The following RBMS1 variants were observed in gnomAD, a reference collection of about 807,000 sequenced individuals.
RBMS1 encodes the protein RNA binding motif single stranded interacting protein 1.
Under a neutral mutation model 62.3 loss-of-function variants are expected in RBMS1, and 17 were observed. That is an observed-to-expected ratio of 0.27 (90% confidence interval 0.19 to 0.41). The LOEUF is 0.41. RBMS1 is among the 10% of genes least tolerant of loss of function. The pLI, the probability that RBMS1 is intolerant of heterozygous loss-of-function variation, is 1.00. For synonymous variants in RBMS1, 172 were observed against 170.0 expected, an observed-to-expected ratio of 1.01 and a Z score of -0.09; for missense variants, 334 against 504.5, an observed-to-expected ratio of 0.66 and a Z score of 3.24.
intron 6 of RBMS1, among the ~76,000 whole-genome samples, chr2:160,297,272 C>G (rs1360742871): frequency 6.6e-6 from 1 of 152,156 alleles, no homozygotes; most frequent in Non-Finnish European, 1.5e-5. Context: ...TTACCTCCCC[C>G]TCAAAGCAAG....
chr2:160,365,943 G>C (rs1264706317), intron 2 of RBMS1, among the ~76,000 whole-genome samples: 5 of 152,226 alleles, frequency 3.3e-5, no homozygotes, highest in African/African-American at 9.6e-5. Context: ...AACCCCAAGA[G>C]CTGGGCTTGC....
At position 160,426,218 on chromosome 2, in the gene RBMS1, GAAGAAAGAAAGAAAGAAAGA is replaced by G. The variant is rs57929883; in HGVS notation, c.76-58847_76-58828del. ...AGAAAGGAAGAAAGAGAGAGAGACA[GAAGAAAGAAAGAAAGAAAGA>G]AAGAAAGAAAGAAAGAAAGAAAGAA... On this transcript the variant is annotated intron_variant, in intron 1 of 13. Coordinates refer to ENST00000348849, the MANE Select transcript of RBMS1 (RefSeq NM_016836.4). 5.0e-3 allele frequency among the ~76,000 whole-genome samples: 243 copies of G among 48,660 alleles called. 2 individuals are homozygous for G. Among genetic ancestry groups the G allele is most frequent in the Middle Eastern group, 8.3e-3 (1 of 120 alleles). 31.9% of individuals were successfully genotyped at this position (48,660 alleles called of 152,430 possible). A position where few individuals can be genotyped will look rare whatever the true frequency, so the allele number is the denominator to read the frequency against.
chr2:160,378,467 T>C (rs1255255347), intron 1 of RBMS1, among the ~76,000 whole-genome samples: 3 of 151,894 alleles, frequency 2.0e-5, no homozygotes, highest in Admixed American at 2.0e-4. Flanking sequence ...AAAAAAAAAT[T>C]AGCTGGGTGT....
chr2:160,332,949 C>A (rs1391054749), intron 2 of RBMS1, among the ~76,000 whole-genome samples: 2 of 151,334 alleles, frequency 1.3e-5, no homozygotes, highest in Admixed American at 6.6e-5. Flanking sequence ...TACAGACATA[C>A]ACATACACTC....
At chr2:160,414,057 A>C (rs1696125155) in intron 1 of RBMS1, among the ~76,000 whole-genome samples, 4 of 152,212 alleles carry the variant, frequency 2.6e-5, no homozygotes, top group African/African-American at 9.6e-5. Flanking sequence ...TCCTGGCTTC[A>C]CCATTTACCA....
chr2:160,358,785 A>AT (rs1301588724), intron 2 of RBMS1, among the ~76,000 whole-genome samples: 3 of 152,212 alleles, frequency 2.0e-5, no homozygotes, highest in East Asian at 1.9e-4. Flanking sequence ...ATTAGTTTTT[A>AT]TTTTTTTAAT....
In RBMS1 at chr2:160,363,623, G is replaced by A. The variant is rs555092487; in HGVS notation, c.251+3593C>T. 2.0e-5 allele frequency among the ~76,000 whole-genome samples: 3 copies of A among 152,300 alleles called. No homozygotes were observed. The South Asian group carries it at 6.2e-4, about 32-fold the overall frequency. ...CAAAGAAGAATCCACAAAACTTAGT[G>A]ACAAAGGGACAAAGAGAAGGAGCTG... On this transcript the variant is annotated intron_variant, in intron 2 of 13. Transcript: ENST00000348849.
intron 1 of RBMS1, among the ~76,000 whole-genome samples, chr2:160,462,750 C>G (rs1021473456): frequency 1.3e-5 from 2 of 152,040 alleles, no homozygotes; most frequent in African/African-American, 2.4e-5. Flanking sequence ...CTGGGCACCC[C>G]CATGCCCAGC....
chr2:160,334,354 CT>C (rs1358853458), intron 2 of RBMS1, among the ~76,000 whole-genome samples: 1 of 152,158 alleles, frequency 6.6e-6, no homozygotes, highest in Non-Finnish European at 1.5e-5. Flanking sequence ...AAGTACTTGA[CT>C]TCTATGACAA....
chr2:160,410,701 T>C (rs558374791), intron 1 of RBMS1, among the ~76,000 whole-genome samples: 40 of 152,262 alleles, frequency 2.6e-4, no homozygotes, highest in Admixed American at 1.2e-3. Context: ...CTGCAAGTTA[T>C]CATGGTAAAA....
At chr2:160,382,240 C>T (rs375596820) in intron 1 of RBMS1, among the ~76,000 whole-genome samples, 1 of 152,190 alleles carries the variant, frequency 6.6e-6, no homozygotes, top group South Asian at 2.1e-4. Context: ...ACCTAAGTAT[C>T]TTAGAAAGGA....
At chr2:160,380,068 T>G (rs77569802) in intron 1 of RBMS1, among the ~76,000 whole-genome samples, 2,846 of 152,360 alleles carry the variant, frequency 0.019, 52 homozygotes, top group South Asian at 0.061. Flanking sequence ...TTTCCATTGT[T>G]ATCCCAGATT....
chr2:160,476,983 T>G (rs1173178450), intron 1 of RBMS1, among the ~76,000 whole-genome samples: 1 of 152,262 alleles, frequency 6.6e-6, no homozygotes, highest in Non-Finnish European at 1.5e-5. Context: ...GCTATGCCTT[T>G]TCTTTCCTGA....
intron 5 of RBMS1, 26 bp from the exon 6 acceptor site, chr2:160,300,756 T>C: frequency 5.9e-6 from 9 of 1,525,846 alleles, no homozygotes; most frequent in Non-Finnish European, 7.9e-6. Flanking sequence ...ATAGAATACA[T>C]AAATATTTAA....
chr2:160,489,114 T>G (rs1047613316), intron 1 of RBMS1, among the ~76,000 whole-genome samples: 1 of 152,146 alleles, frequency 6.6e-6, no homozygotes, highest in South Asian at 2.1e-4. Context: ...GCTCCCAACA[T>G]AGGGGAAAAA....
At chr2:160,292,926 C>T (rs1688755744) in intron 6 of RBMS1, among the ~76,000 whole-genome samples, 1 of 152,188 alleles carries the variant, frequency 6.6e-6, no homozygotes, top group Non-Finnish European at 1.5e-5. Flanking sequence ...CCGCCCTTGC[C>T]CCACTGGCCA....
At chr2:160,449,429 G>T (rs992377767) in intron 1 of RBMS1, among the ~76,000 whole-genome samples, 3 of 152,258 alleles carry the variant, frequency 2.0e-5, no homozygotes, top group Non-Finnish European at 2.9e-5. Context: ...GATTGTTACT[G>T]TGTCTGTGTA....
At chr2:160,332,851 T>C (rs1302711636) in intron 2 of RBMS1, among the ~76,000 whole-genome samples, 1 of 149,958 alleles carries the variant, frequency 6.7e-6, no homozygotes, top group Non-Finnish European at 1.5e-5. Context: ...ATATAAAGTA[T>C]GTTTTTTATA....
intron 2 of RBMS1, among the ~76,000 whole-genome samples, chr2:160,343,563 G>A (rs1692004425): frequency 6.6e-6 from 1 of 152,080 alleles, no homozygotes; most frequent in Non-Finnish European, 1.5e-5. Flanking sequence ...AGTTATTAAT[G>A]TGCATTATTG....
Sources: allele counts gnomAD v4.1 joint callset (sites outside exome capture counted in the v4.1 genomes callset), GRCh38; gene constraint gnomAD v4.1.1; transcripts MANE v1.5; gene names NCBI Gene and HGNC (gene_info 2026-07-23, HGNC 2026-07-21).